The following GPR89A variants were observed in gnomAD, a reference collection of about 807,000 sequenced individuals.
GPR89A encodes G protein-coupled receptor 89A.
GPR89A carries 16 observed loss-of-function variants against 52.0 expected under a neutral mutation model. The ratio of observed to expected loss-of-function variants is 0.31; its 90% CI spans 0.21 to 0.47. GPR89A has a LOEUF of 0.47. Among genes scored for constraint, GPR89A ranks in the 20% least tolerant of loss-of-function variants. GPR89A has a pLI of 1.00. For synonymous variants in GPR89A, 55 were observed against 150.9 expected, an observed-to-expected ratio of 0.36 and a Z score of 4.66; for missense variants, 135 against 449.4, an observed-to-expected ratio of 0.30 and a Z score of 6.33.
chr1:145,642,759 G>A (rs1650735437), intron 7 of GPR89A, among the ~76,000 whole-genome samples: 1 of 151,140 alleles, frequency 6.6e-6, no homozygotes, highest in Non-Finnish European at 1.5e-5. Flanking sequence ...ATTTTTATTA[G>A]ACTCATCCTA....
chr1:145,608,287 C>T (rs1647958759), intron 1 of GPR89A, 112 bp downstream of exon 1: 5 of 1,439,992 alleles, frequency 3.5e-6, no homozygotes, highest in Admixed American at 3.5e-5. Flanking sequence ...CTTACGCGTC[C>T]TGCGCTAGTC....
intron 10 of GPR89A, among the ~76,000 whole-genome samples, chr1:145,654,894 G>GA (rs1233815790): frequency 5.3e-5 from 8 of 151,968 alleles, no homozygotes; most frequent in Admixed American, 5.3e-4. Flanking sequence ...TTTCCAACTT[G>GA]AAACGGTTCC....
intron 1 of GPR89A, 87 bp downstream of exon 1, chr1:145,608,262 G>C: frequency 6.4e-7 from 1 of 1,566,020 alleles, no homozygotes; most frequent in Admixed American, 1.7e-5. Context: ...GGCTGGTCCG[G>C]GGTCTCGCTC....
chr1:145,608,209 G>T (rs1306635960), intron 1 of GPR89A, 34 bp downstream of exon 1: 2 of 1,613,656 alleles, frequency 1.2e-6, no homozygotes, highest in East Asian at 2.2e-5. Context: ...ACACCCGTCC[G>T]CCTCCCTTTA....
At chr1:145,661,983 C>G (rs2262346) in intron 10 of GPR89A, among the ~76,000 whole-genome samples, 15 of 152,038 alleles carry the variant, frequency 9.9e-5, no homozygotes, top group African/African-American at 3.4e-4. Context: ...TTCATGTGGT[C>G]TAAGAACATA....
intron 10 of GPR89A, among the ~76,000 whole-genome samples, chr1:145,649,003 A>G (rs1458304817): frequency 1.3e-5 from 2 of 148,432 alleles, no homozygotes; most frequent in African/African-American, 5.0e-5. Flanking sequence ...ACAGGGTTTC[A>G]CCATCTTGGC....
At chr1:145,658,987 AG>A (rs1203397058) in intron 10 of GPR89A, among the ~76,000 whole-genome samples, 13 of 152,080 alleles carry the variant, frequency 8.5e-5, no homozygotes, top group African/African-American at 2.9e-4. Flanking sequence ...CATGTTGGCC[AG>A]GCTGGTCTCA....
At position 145,654,423 on chromosome 1, in the gene GPR89A, G is replaced by A. The variant is rs1180916208; in HGVS notation, c.909+7156G>A. On this transcript the variant is annotated intron_variant, in intron 10 of 13. Coordinates refer to ENST00000313835, the MANE Select transcript of GPR89A (RefSeq NM_001097612.2). ...AAAAAATTAGCCAGGCATGGTGGCA[G>A]GCGCCTGTAGTCCTAGCTACTCGGG... Among the ~76,000 whole-genome samples, 5 of 151,826 alleles carry A rather than the reference G, an allele frequency of 3.3e-5. 1 individual carries two copies. The South Asian group carries it at 8.4e-4, about 25-fold the overall frequency.
At chr1:145,659,944 C>T (rs1553695283) in intron 10 of GPR89A, among the ~76,000 whole-genome samples, 6 of 151,258 alleles carry the variant, frequency 4.0e-5, no homozygotes, top group East Asian at 3.9e-4. Context: ...TCTTTTATTT[C>T]ATTGAGCAGT....
At chr1:145,642,180 A>C (rs1650697625) in intron 7 of GPR89A, among the ~76,000 whole-genome samples, 1 of 150,056 alleles carries the variant, frequency 6.7e-6, no homozygotes, top group South Asian at 2.1e-4. Flanking sequence ...ACTGAAAATA[A>C]GGACAATAGA....
At chr1:145,634,634 CT>C (rs1553690440) in intron 7 of GPR89A, among the ~76,000 whole-genome samples, 3 of 150,396 alleles carry the variant, frequency 2.0e-5, no homozygotes, top group African/African-American at 7.5e-5. Context: ...TGATCTAAAA[CT>C]TAATGGTGTG....
intron 10 of GPR89A, among the ~76,000 whole-genome samples, chr1:145,652,692 T>C (rs1203187200): frequency 1.6e-5 from 2 of 121,756 alleles, no homozygotes; most frequent in Non-Finnish European, 3.2e-5. Flanking sequence ...TATTCAGGGA[T>C]TCAACTTCTT....
chr1:145,668,991 T>C (rs1459919144), intron 12 of GPR89A, among the ~76,000 whole-genome samples: 2 of 152,002 alleles, frequency 1.3e-5, no homozygotes, highest in African/African-American at 4.8e-5. Context: ...ATTGAGGATT[T>C]TTGCATCGAT....
chr1:145,669,653 C>T lies in GPR89A; in HGVS notation c.1124C>T (p.Ser375Phe), dbSNP rs781867175. 6.2e-7 allele frequency: 1 copy of T among 1,611,256 alleles called. No homozygotes were observed. Among genetic ancestry groups the T allele is most frequent in the Non-Finnish European group, 8.5e-7 (1 of 1,179,586 alleles). The change falls in exon 13 of 14, where the codon TCC (serine) becomes TTC (phenylalanine). Residue 375 changes from serine (S) to phenylalanine (F), a missense_variant. This residue lies in a region of GPR89A where 22 missense variants were observed against 48.4 expected (regional missense o/e 0.45). Transcript: ENST00000313835. ...KFFYAISSSK[S>F]SNVIVLLLAQ... is the part of the protein sequence containing the mutation. ...TTTTATGCCATCTCTAGCAGTAAGT[C>T]CTCCAATGTCATTGTCCTGCTATTA...
intron 10 of GPR89A, among the ~76,000 whole-genome samples, chr1:145,647,545 T>C (rs1471048350): frequency 6.6e-6 from 1 of 151,850 alleles, no homozygotes; most frequent in Non-Finnish European, 1.5e-5. Flanking sequence ...GGCTCATGCC[T>C]ATAATCCCAG....
At chr1:145,654,923 A>T (rs1351014506) in intron 10 of GPR89A, among the ~76,000 whole-genome samples, 4 of 151,432 alleles carry the variant, frequency 2.6e-5, no homozygotes, top group African/African-American at 9.7e-5. Flanking sequence ...CGTCTCTTCC[A>T]GGTACCTGAA....
At chr1:145,628,199 T>C (rs1484207170) in intron 5 of GPR89A, among the ~76,000 whole-genome samples, 1 of 151,798 alleles carries the variant, frequency 6.6e-6, no homozygotes, top group African/African-American at 2.4e-5. Context: ...CTAAATGCCA[T>C]TAGGTGAAGC....
At chr1:145,627,842 A>G (rs1325872273) in intron 5 of GPR89A, among the ~76,000 whole-genome samples, 4 of 151,440 alleles carry the variant, frequency 2.6e-5, no homozygotes, top group Non-Finnish European at 4.4e-5. Flanking sequence ...GACCAAAGGA[A>G]GACCCAGCAA....
chr1:145,650,375 C>T (rs1246936210), intron 10 of GPR89A, among the ~76,000 whole-genome samples: 9 of 151,658 alleles, frequency 5.9e-5, no homozygotes, highest in Admixed American at 2.0e-4. Flanking sequence ...TTTCTTTATC[C>T]GGTCTATCAT....
Sources: allele counts gnomAD v4.1 joint callset (sites outside exome capture counted in the v4.1 genomes callset), GRCh38; gene constraint gnomAD v4.1.1; regional missense constraint gnomAD v4.1.1; transcripts MANE v1.5; gene names NCBI Gene and HGNC (gene_info 2026-07-23, HGNC 2026-07-21).